Variants in PALLD observed in about 807,000 individuals in gnomAD.
PALLD encodes palladin, cytoskeletal associated protein.
A neutral mutation model predicts 123.5 loss-of-function variants in PALLD; 61 were observed. The observed-to-expected ratio is 0.49, with a 90% CI of 0.40 to 0.61. The LOEUF (loss-of-function observed/expected upper bound fraction) is 0.61. PALLD is among the 20% of genes least tolerant of loss of function. The pLI is 0.00. For synonymous variants in PALLD, 465 were observed against 496.4 expected (o/e 0.94, Z 0.84); for missense variants, 1,273 against 1,377.0 (o/e 0.92, Z 1.20).
At chr4:168,832,047 T>G in intron 10 of PALLD, 4 of 985,306 alleles carry the variant, frequency 4.1e-6, no homozygotes, top group Non-Finnish European at 3.6e-6. Flanking sequence ...GCCTCCTGAG[T>G]CACCCGGCGG....
At chr4:168,653,739 G>T (rs1778283677) in intron 2 of PALLD, among the ~76,000 whole-genome samples, 2 of 152,054 alleles carry the variant, frequency 1.3e-5, no homozygotes, top group Non-Finnish European at 2.9e-5. Context: ...TTGAGACAGA[G>T]TCTCATCTGG....
chr4:168,785,058 C>CTTTTTTT (rs746597278), intron 10 of PALLD, among the ~76,000 whole-genome samples: 1,334 of 84,814 alleles, frequency 0.016, 37 homozygotes, highest in East Asian at 0.036. Flanking sequence ...CTCCCTTTTG[C>CTTTTTTT]TTTTTTTTTT....
At chr4:168,505,921 C>G (rs1378238448) in intron 1 of PALLD, among the ~76,000 whole-genome samples, 2 of 152,208 alleles carry the variant, frequency 1.3e-5, no homozygotes, top group Non-Finnish European at 2.9e-5. Context: ...CATATAGTCT[C>G]TGTTGCAACT....
At chr4:168,670,543 C>A (rs1023794616) in intron 3 of PALLD, among the ~76,000 whole-genome samples, 5 of 149,174 alleles carry the variant, frequency 3.4e-5, no homozygotes, top group African/African-American at 9.9e-5. Context: ...ACCATCCTGG[C>A]TGACAAGGTG....
intron 10 of PALLD, among the ~76,000 whole-genome samples, chr4:168,862,891 C>G (rs374862189): frequency 9.2e-5 from 14 of 152,182 alleles, no homozygotes; most frequent in African/African-American, 2.9e-4. Flanking sequence ...GCCAGAGACA[C>G]ATGTTGCAAT....
intron 14 of PALLD, among the ~76,000 whole-genome samples, chr4:168,902,666 T>C (rs1230634191): frequency 6.6e-6 from 1 of 152,016 alleles, no homozygotes; most frequent in Non-Finnish European, 1.5e-5. Flanking sequence ...AAACAAAACC[T>C]TAGAACTCGG....
chr4:168,891,055 C>A lies in PALLD; in HGVS notation c.2098C>A (p.Pro700Thr). 6.2e-7 allele frequency: 1 copy of A among 1,614,040 alleles called. No homozygotes were observed. Among genetic ancestry groups the A allele is most frequent in the Non-Finnish European group, 8.5e-7 (1 of 1,179,924 alleles). Residue 700 changes from proline (P) to threonine (T), a missense_variant and splice_region_variant, in exon 11 of 22, where the codon CCG (proline) becomes ACG (threonine). Transcript: ENST00000505667. ...GGAGGACCTCCTGAACAATGGCCAGCCGGTACTGATAGATTTGGGACCTGG... is the reference window on the plus strand; with the variant it reads ...GGAGGACCTCCTGAACAATGGCCAGACGGTACTGATAGATTTGGGACCTGG... The part of the protein sequence containing the change: ...FKEDLLNNGQ[P>T]RLTYEERMAR...
rs1318598425 is a variant in PALLD, at chr4:168,898,500, A to C, written c.2258A>C (p.Lys753Thr). Residue 753 changes from lysine (K) to threonine (T), a missense_variant, in exon 14 of 22, where the codon AAA becomes ACA. By Grantham distance (78) the Lys-to-Thr change is moderately conservative. Coordinates refer to ENST00000505667, the MANE Select transcript of PALLD (RefSeq NM_001166108.2). The stretch of plus-strand genomic sequence containing the variant: ...AAACTTTCCTTGATTCAGGAATACA[A>C]AGTCTCCAGCTGTGAACAGAGACTC... The part of the protein sequence containing the change: ...GSPLDGQKEY[K>T]VSSCEQRLIS... 1 of 1,609,206 alleles carries C rather than the reference A, an allele frequency of 6.2e-7. No homozygotes were observed. The highest frequency in any genetic ancestry group is 1.3e-5 in the African/African-American group (1 of 74,834).
chr4:168,921,406 CAAAAAA>C (rs5863967), intron 17 of PALLD, 122 bp from the exon 18 acceptor site: 168 of 362,174 alleles, frequency 4.6e-4, no homozygotes, highest in Admixed American at 1.8e-3. Flanking sequence ...AAACTCTGTC[CAAAAAA>C]AAAAAAAAAA....
chr4:168,601,177 T>TA (rs1357728004), intron 2 of PALLD, among the ~76,000 whole-genome samples: 1 of 151,914 alleles, frequency 6.6e-6, no homozygotes, highest in South Asian at 2.1e-4. Context: ...GTTAATTCAG[T>TA]AAAAAAATCT....
intron 10 of PALLD, among the ~76,000 whole-genome samples, chr4:168,712,732 A>G (rs769236340): frequency 1.3e-5 from 2 of 152,158 alleles, no homozygotes; most frequent in Admixed American, 6.5e-5. Flanking sequence ...TATGTATTCT[A>G]TGAGGTCACA....
intron 6 of PALLD, among the ~76,000 whole-genome samples, chr4:168,685,937 C>G (rs978267525): frequency 6.6e-6 from 1 of 151,862 alleles, no homozygotes; most frequent in African/African-American, 2.4e-5. Flanking sequence ...TTTGCATTGC[C>G]AGGCTGAATG....
chr4:168,661,427 G>GATGA (rs765450608), intron 2 of PALLD, among the ~76,000 whole-genome samples: 1 of 152,204 alleles, frequency 6.6e-6, no homozygotes, highest in African/African-American at 2.4e-5. Context: ...ATAATTGATT[G>GATGA]ATGAATGAAT....
Position 168,754,755 on chromosome 4 carries a change from A to G in PALLD, c.1964+42832A>G, listed in dbSNP as rs77057194. Among the ~76,000 whole-genome samples the G allele has an allele frequency of 6.8e-3, 1,042 of 152,308 alleles. 19 individuals carry two copies. Among genetic ancestry groups the G allele is most frequent in the African/African-American group, 0.024 (982 of 41,562 alleles). On this transcript the variant is annotated intron_variant, in intron 10 of 21. Coordinates refer to ENST00000505667, the MANE Select transcript of PALLD (RefSeq NM_001166108.2). ...TCAATACACACTATACAGATGTTCA[A>G]AGAATGCCTAGTGTGCATTGCTTAG...
chr4:168,898,235 GA>G, intron 13 of PALLD: 1 of 509,246 alleles, frequency 2.0e-6, no homozygotes, highest in Non-Finnish European at 3.5e-6. Context: ...TCGCCTCAGA[GA>G]AAAGAAGGAA....
chr4:168,806,074 A>G (rs1345142373), intron 10 of PALLD, among the ~76,000 whole-genome samples: 1 of 151,764 alleles, frequency 6.6e-6, no homozygotes, highest in Non-Finnish European at 1.5e-5. Flanking sequence ...TTATTTATTT[A>G]TTTTTTGAGT....
chr4:168,876,088 A>G (rs994973472), intron 10 of PALLD, among the ~76,000 whole-genome samples: 1 of 152,248 alleles, frequency 6.6e-6, no homozygotes, highest in African/African-American at 2.4e-5. Context: ...ATCCAGATGC[A>G]GAGGTCAGCT....
At chr4:168,633,967 TAAAC>T (rs1308976495) in intron 2 of PALLD, among the ~76,000 whole-genome samples, 1 of 152,186 alleles carries the variant, frequency 6.6e-6, no homozygotes, top group African/African-American at 2.4e-5. Flanking sequence ...TAATAATAAA[TAAAC>T]AAAAGCTCCA....
At chr4:168,918,469 G>A (rs1760727398) in intron 17 of PALLD, among the ~76,000 whole-genome samples, 1 of 152,094 alleles carries the variant, frequency 6.6e-6, no homozygotes, top group Non-Finnish European at 1.5e-5. Flanking sequence ...TTACTTATAT[G>A]TGCAATATAA....
Sources: gnomAD v4.1 joint callset for allele counts (sites outside exome capture counted in the v4.1 genomes callset) on GRCh38, gnomAD v4.1.1 for gene constraint, MANE v1.5 for transcripts, NCBI Gene and HGNC (gene_info 2026-07-23, HGNC 2026-07-21) for gene names.